The following PRUNE2 variants were observed in gnomAD, a reference collection of about 807,000 sequenced individuals.
PRUNE2 encodes prune homolog 2 with BCH domain.
In PRUNE2, 164 loss-of-function variants were observed where a neutral mutation model predicts 252.0. The ratio of observed to expected loss-of-function variants is 0.65; its 90% CI spans 0.57 to 0.74. PRUNE2 has a LOEUF of 0.74. PRUNE2 is among the 30% of genes least tolerant of loss of function. PRUNE2 has a pLI of 0.00. For synonymous variants in PRUNE2, 1,292 were observed against 1,350.2 expected (o/e 0.96, Z 0.94); for missense variants, 3,495 against 3,711.0 (o/e 0.94, Z 1.51).
intron 6 of PRUNE2, among the ~76,000 whole-genome samples, chr9:76,744,331 A>G (rs566735942): frequency 2.6e-5 from 4 of 152,364 alleles, no homozygotes; most frequent in African/African-American, 9.6e-5. Flanking sequence ...CTTCCAGAAG[A>G]GAGAGTGGAC....
intron 9 of PRUNE2, among the ~76,000 whole-genome samples, chr9:76,678,916 A>C (rs943699836): frequency 1.3e-5 from 2 of 152,172 alleles, no homozygotes; most frequent in Non-Finnish European, 2.9e-5. Context: ...ACCCCAAGAG[A>C]TATGTGGGCC....
intron 6 of PRUNE2, among the ~76,000 whole-genome samples, chr9:76,812,037 G>A (rs560599648): frequency 5.3e-4 from 81 of 152,314 alleles, no homozygotes; most frequent in Non-Finnish European, 1.1e-3. Flanking sequence ...AACTGACATG[G>A]AAAATCCATG....
chr9:76,704,426 T>C (rs1011734745), intron 8 of PRUNE2, among the ~76,000 whole-genome samples: 3 of 152,124 alleles, frequency 2.0e-5, no homozygotes, highest in African/African-American at 7.2e-5. Flanking sequence ...GGTTTCACCA[T>C]GCTGCCCAGG....
chr9:76,836,741 A>G (rs1025370885), intron 4 of PRUNE2, among the ~76,000 whole-genome samples: 3 of 152,188 alleles, frequency 2.0e-5, no homozygotes, highest in African/African-American at 7.2e-5. Flanking sequence ...ATTTTGTTAA[A>G]TCCCCCACAA....
chr9:76,729,456 A>AAAC (rs921719490), intron 6 of PRUNE2, among the ~76,000 whole-genome samples: 5 of 152,198 alleles, frequency 3.3e-5, no homozygotes. Context: ...TGTCAAAAAC[A>AAAC]AACAACAACA....
At chr9:76,867,635 C>G (rs1367799461) in intron 1 of PRUNE2, among the ~76,000 whole-genome samples, 2 of 152,176 alleles carry the variant, frequency 1.3e-5, no homozygotes, top group African/African-American at 2.4e-5. Context: ...GTGGCACAAT[C>G]TCGGCTCACT....
chr9:76,866,262 T>A (rs2060834142), intron 1 of PRUNE2, among the ~76,000 whole-genome samples: 2 of 152,246 alleles, frequency 1.3e-5, no homozygotes, highest in African/African-American at 4.8e-5. Context: ...TCAATGCATG[T>A]CTAGCATAAA....
chr9:76,813,712 A>T (rs1308400188), intron 6 of PRUNE2, among the ~76,000 whole-genome samples: 1 of 152,254 alleles, frequency 6.6e-6, no homozygotes, highest in Admixed American at 6.5e-5. Flanking sequence ...ACAAAAATTA[A>T]CTAGTTCATT....
chr9:76,756,659 G>A (rs192249945), intron 6 of PRUNE2, among the ~76,000 whole-genome samples: 23 of 152,326 alleles, frequency 1.5e-4, no homozygotes, highest in Middle Eastern at 3.4e-3. Context: ...CCCTGAGTCT[G>A]GAAAAGGTAC....
At chr9:76,838,825 G>C (rs2059219302) in intron 4 of PRUNE2, among the ~76,000 whole-genome samples, 1 of 152,094 alleles carries the variant, frequency 6.6e-6, no homozygotes, top group African/African-American at 2.4e-5. Context: ...GCACCAAAAG[G>C]TCTTTCTCTT....
intron 1 of PRUNE2, among the ~76,000 whole-genome samples, chr9:76,886,223 T>C (rs911100911): frequency 6.6e-6 from 1 of 151,892 alleles, no homozygotes; most frequent in Non-Finnish European, 1.5e-5. Context: ...GCAATGCTCT[T>C]ACACGTGATC....
chr9:76,876,659 C>A (rs1290491694), intron 1 of PRUNE2, among the ~76,000 whole-genome samples: 1 of 152,080 alleles, frequency 6.6e-6, no homozygotes, highest in Non-Finnish European at 1.5e-5. Flanking sequence ...ACAAAGAGAT[C>A]ATCAGCACCT....
intron 15 of PRUNE2, among the ~76,000 whole-genome samples, chr9:76,629,634 CTT>C (rs1185220897): frequency 2.7e-5 from 4 of 150,642 alleles, no homozygotes; most frequent in East Asian, 1.9e-4. Flanking sequence ...AATCTACTCT[CTT>C]AGCAATTTTC....
chr9:76,704,079 C>T lies in PRUNE2; in HGVS notation c.7534G>A (p.Glu2512Lys), dbSNP rs11145014. The T allele has an allele frequency of 0.066, 106,006 of 1,594,922 alleles. 4,032 individuals carry two copies. Among genetic ancestry groups the T allele is most frequent in the Non-Finnish European group, 0.077 (90,719 of 1,171,842 alleles). ...GGAATTGTTTTTTCTTCTTCCAATT[C>T]TGATATTTCCTTGCTGGCACCTAGA... ...PPNGASKEIS[E>K]LEEEKTIPTK... The change falls in exon 9 of 19, where the codon GAA becomes AAA. Residue 2512 changes from glutamate (E) to lysine (K), a missense_variant. Physicochemically the swap from Glu to Lys is moderately conservative, Grantham distance 56 (BLOSUM62 1). Coordinates refer to ENST00000376718, the MANE Select transcript of PRUNE2 (RefSeq NM_015225.3).
intron 12 of PRUNE2, chr9:76,644,443 A>G: frequency 2.3e-6 from 1 of 429,424 alleles, no homozygotes; most frequent in Non-Finnish European, 4.4e-6. Flanking sequence ...AATGCCAAAC[A>G]GACATTTAAA....
At chr9:76,764,618 G>T (rs2052136323) in intron 6 of PRUNE2, 1 of 152,246 alleles carries the variant, frequency 6.6e-6, no homozygotes, top group African/African-American at 2.4e-5. Flanking sequence ...GTGACTAGAA[G>T]GTTTAAAGTT....
In PRUNE2 at chr9:76,649,612, T is replaced by TAGATA. The variant is rs1554795862; in HGVS notation, c.8557+2870_8557+2871insTATCT. On this transcript the variant is annotated intron_variant, in intron 11 of 18. Coordinates refer to ENST00000376718, the MANE Select transcript of PRUNE2 (RefSeq NM_015225.3). The stretch of plus-strand genomic sequence containing the variant: ...AAGTATAGATAGATAGATAGATAGA[T>TAGATA]GATAGATAGATAGATAGATAGATAG... 2.6e-3 allele frequency among the ~76,000 whole-genome samples: 386 copies of TAGATA among 149,972 alleles called. 4 individuals carry two copies. The highest frequency in any genetic ancestry group is 1.7e-3 in the Non-Finnish European group (116 of 67,624).
At chr9:76,811,127 A>G (rs1349604801) in intron 6 of PRUNE2, among the ~76,000 whole-genome samples, 1 of 152,222 alleles carries the variant, frequency 6.6e-6, no homozygotes, top group African/African-American at 2.4e-5. Context: ...GCACATTCCT[A>G]AAAATGTAAT....
chr9:76,630,183 A>G (rs919867739), intron 15 of PRUNE2, among the ~76,000 whole-genome samples: 1 of 151,558 alleles, frequency 6.6e-6, no homozygotes, highest in Non-Finnish European at 1.5e-5. Context: ...TTCTTTCAGA[A>G]TCTACCAAGT....
Sources: allele counts gnomAD v4.1 joint callset (sites outside exome capture counted in the v4.1 genomes callset), GRCh38; gene constraint gnomAD v4.1.1; transcripts MANE v1.5; gene names NCBI Gene and HGNC (gene_info 2026-07-23, HGNC 2026-07-21).